The following DOCK9 variants were observed in gnomAD, a reference collection of about 807,000 sequenced individuals.
The protein encoded by DOCK9 is dedicator of cytokinesis protein 9.
In DOCK9, 89 loss-of-function variants were observed where a neutral mutation model predicts 263.3. That is an observed-to-expected ratio of 0.34 (90% confidence interval 0.28 to 0.40). The LOEUF (loss-of-function observed/expected upper bound fraction) is 0.40, where lower values mean the gene tolerates loss of function less well. DOCK9 is among the 10% of genes least tolerant of loss of function. DOCK9 has a pLI of 1.00. For missense variants in DOCK9, 2,140 were observed against 2,603.4 expected (o/e 0.82, Z 3.87); for synonymous variants, 976 against 973.1 (o/e 1.00, Z -0.06).
chr13:99,065,661 ACCCTTTTTCTGATTC>A (rs1391905751), intron 1 of DOCK9, among the ~76,000 whole-genome samples: 3 of 151,804 alleles, frequency 2.0e-5, no homozygotes, highest in Non-Finnish European at 4.4e-5. Context: ...TTCCTTCATT[ACCCTTTTTCTGATTC>A]CCTCCACTGG....
At chr13:99,006,799 G>C (rs1173356052) in intron 1 of DOCK9, among the ~76,000 whole-genome samples, 3 of 152,082 alleles carry the variant, frequency 2.0e-5, no homozygotes, top group Non-Finnish European at 4.4e-5. Context: ...CTTTTAAAAA[G>C]CAAAAAGCAT....
At chr13:98,804,920 C>A in intron 49 of DOCK9, 79 bp downstream of exon 49, 2 of 1,477,328 alleles carry the variant, frequency 1.4e-6, no homozygotes, top group Admixed American at 2.0e-5. Context: ...CCTTCCAGTC[C>A]TGAAGCTTCT....
rs1201329590 is a variant in DOCK9, at chr13:98,796,183, A to G, written c.6156+932T>C. ...TTTTCTAAGTCAGATTATCAGAAAA[A>G]TAATGTTTAAAAATGACATTACCAT... On this transcript the variant is annotated intron_variant, in intron 52 of 52. Transcript: ENST00000682017. The G allele has an allele frequency of 1.9e-6, 3 of 1,557,142 alleles. No individual in the cohort carries two copies. The East Asian group carries it at 7.0e-5, about 36-fold the overall frequency.
chr13:98,998,576 GTGGTACAGGAAGCA>G (rs1479038944), intron 1 of DOCK9, among the ~76,000 whole-genome samples: 1 of 152,122 alleles, frequency 6.6e-6, no homozygotes, highest in Non-Finnish European at 1.5e-5. Flanking sequence ...AGGAAGTCTT[GTGGTACAGGAAGCA>G]TGGTCCAGGT....
At chr13:98,881,695 CAGT>C (rs2044785984) in intron 24 of DOCK9, 68 bp from the exon 25 acceptor site, 3 of 1,464,806 alleles carry the variant, frequency 2.0e-6, no homozygotes, top group Admixed American at 2.0e-5. Flanking sequence ...ATTATCACAG[CAGT>C]AGTAGAACAA....
At chr13:98,919,961 T>C (rs1434726026) in intron 7 of DOCK9, among the ~76,000 whole-genome samples, 1 of 152,238 alleles carries the variant, frequency 6.6e-6, no homozygotes, top group East Asian at 1.9e-4. Context: ...GTCCTGTGTA[T>C]GCTTATAAGC....
At chr13:98,823,255 G>A (rs541718248) in intron 45 of DOCK9, among the ~76,000 whole-genome samples, 1 of 152,188 alleles carries the variant, frequency 6.6e-6, no homozygotes, top group Admixed American at 6.5e-5. Context: ...GGCTGTTTGG[G>A]TCATTGCGTA....
intron 15 of DOCK9, among the ~76,000 whole-genome samples, chr13:98,893,957 C>T (rs1222059815): frequency 1.3e-5 from 2 of 152,198 alleles, no homozygotes; most frequent in South Asian, 4.1e-4. Context: ...ACCTGGAGCA[C>T]ACCCTTCACA....
At chr13:98,866,874 C>T (rs1162349773) in intron 30 of DOCK9, among the ~76,000 whole-genome samples, 3 of 152,142 alleles carry the variant, frequency 2.0e-5, no homozygotes, top group African/African-American at 7.2e-5. Context: ...GGATGCCTCC[C>T]TGGGATGTTA....
In DOCK9 at chr13:98,883,891, A is replaced by T. The variant is rs1237744737; in HGVS notation, c.2391T>A (p.Gly797=). The change falls in exon 22 of 53, where the codon GGT becomes GGA. Residue 797 remains glycine (G), a synonymous_variant. Coordinates refer to ENST00000682017, the MANE Select transcript of DOCK9 (RefSeq NM_001366683.2). ...YQELGMGRHY[G]PEIKWVDGGK... ...CTCCATCTACCCATTTAATTTCCGG[A>T]CCATAATGCTAAAAAAAATATGGAA... is the stretch of plus-strand genomic sequence containing the variant. 2 of 1,608,438 alleles carry T rather than the reference A, an allele frequency of 1.2e-6. No individual in the cohort carries two copies. The highest frequency in any genetic ancestry group is 1.7e-6 in the Non-Finnish European group (2 of 1,177,596).
chr13:98,962,239 C>A (rs1003943820), intron 1 of DOCK9, among the ~76,000 whole-genome samples: 18 of 152,262 alleles, frequency 1.2e-4, no homozygotes, highest in African/African-American at 3.9e-4. Context: ...TCTAGAGGTT[C>A]ATTGATAAAA....
chr13:98,943,649 AT>A (rs2056283615), intron 2 of DOCK9, among the ~76,000 whole-genome samples: 1 of 152,216 alleles, frequency 6.6e-6, no homozygotes, highest in Non-Finnish European at 1.5e-5. Context: ...ATATCCATTC[AT>A]TTGTGTAATA....
chr13:98,962,572 T>A (rs2058750722), intron 1 of DOCK9, among the ~76,000 whole-genome samples: 1 of 151,498 alleles, frequency 6.6e-6, no homozygotes, highest in African/African-American at 2.4e-5. Flanking sequence ...TGGCAAACTG[T>A]AAACACATAT....
At chr13:98,938,432 T>C (rs1178862336) in intron 2 of DOCK9, among the ~76,000 whole-genome samples, 1 of 152,208 alleles carries the variant, frequency 6.6e-6, no homozygotes, top group Non-Finnish European at 1.5e-5. Context: ...GTTCTGTGAA[T>C]ATGGAATTCT....
intron 1 of DOCK9, among the ~76,000 whole-genome samples, chr13:98,996,695 C>T (rs1369678575): frequency 2.6e-5 from 4 of 152,186 alleles, no homozygotes; most frequent in Admixed American, 2.6e-4. Flanking sequence ...TTTTTAAAAG[C>T]TCATCAGCTA....
At chr13:98,803,339 T>C (rs1020482814) in intron 49 of DOCK9, among the ~76,000 whole-genome samples, 14 of 152,250 alleles carry the variant, frequency 9.2e-5, no homozygotes, top group Non-Finnish European at 1.5e-4. Flanking sequence ...TATGAATCCG[T>C]ACACTGCCTT....
intron 38 of DOCK9, chr13:98,845,369 C>G (rs1334972417): frequency 1.5e-6 from 2 of 1,358,604 alleles, no homozygotes; most frequent in Admixed American, 2.0e-5. Flanking sequence ...ATATCTTTCT[C>G]ACACTGAAAA....
chr13:99,073,478 C>T (rs2041781439), intron 1 of DOCK9, among the ~76,000 whole-genome samples: 1 of 151,826 alleles, frequency 6.6e-6, no homozygotes, highest in African/African-American at 2.4e-5. Context: ...ATTTCTATTG[C>T]ATTGAGGGCC....
intron 2 of DOCK9, among the ~76,000 whole-genome samples, chr13:98,939,101 T>C (rs12874521): frequency 0.057 from 8,718 of 152,282 alleles, 348 homozygotes; most frequent in Middle Eastern, 0.11. Flanking sequence ...CAGGTAGTTC[T>C]CGAGAGCCAA....
Sources: allele counts gnomAD v4.1 joint callset (sites outside exome capture counted in the v4.1 genomes callset), GRCh38; gene constraint gnomAD v4.1.1; transcripts MANE v1.5; gene names NCBI Gene and HGNC (gene_info 2026-07-23, HGNC 2026-07-21).